Variants in TRPM6 observed in about 807,000 individuals in gnomAD.
TRPM6 encodes the protein channel kinase 2.
Under a neutral mutation model 247.6 loss-of-function variants are expected in TRPM6, and 111 were observed. That is an observed-to-expected ratio of 0.45 (90% CI 0.38 to 0.52). The LOEUF (loss-of-function observed/expected upper bound fraction) is 0.52. TRPM6 is among the 20% of genes least tolerant of loss of function. The probability of loss-of-function intolerance (pLI) is 0.00; values close to 1 mark genes in which losing one functional copy is unlikely to be tolerated. For missense variants in TRPM6, 2,126 were observed against 2,421.5 expected (o/e 0.88, Z 2.56); for synonymous variants, 892 against 853.8 (o/e 1.04, Z -0.78).
intron 37 of TRPM6, among the ~76,000 whole-genome samples, chr9:74,732,020 T>C (rs922944049): frequency 6.6e-6 from 1 of 152,156 alleles, no homozygotes; most frequent in Non-Finnish European, 1.5e-5. Context: ...CACTATCACT[T>C]CTTTCTACCC....
chr9:74,739,270 T>C (rs556825226), intron 35 of TRPM6, 97 bp downstream of exon 35: 1 of 1,177,842 alleles, frequency 8.5e-7, no homozygotes, highest in African/African-American at 1.5e-5. Flanking sequence ...CATGGGGAAT[T>C]TCCCCATGGA....
At position 74,786,041 on chromosome 9, in the gene TRPM6, T is replaced by C; in HGVS notation, c.2752A>G (p.Ile918Val). 1 of 1,614,208 alleles carries C rather than the reference T, an allele frequency of 6.2e-7. No individual in the cohort carries two copies. Among genetic ancestry groups the C allele is most frequent in the Non-Finnish European group, 8.5e-7 (1 of 1,180,042 alleles). The change falls in exon 21 of 39, where the codon ATT becomes GTT. Residue 918 changes from isoleucine to valine, a missense_variant. Physicochemically the swap from Ile to Val is conservative, Grantham distance 29 (BLOSUM62 3). Transcript: ENST00000360774. The stretch of plus-strand genomic sequence containing the variant: ...ACGAAGCCAGCTGAAAACAGGCCAA[T>C]GGCCACAGTTTCTGTTAAGTTCCAG... ...EYWNLTETVA[I>V]GLFSAGFVLR... is the part of the protein sequence containing the mutation.
At chr9:74,833,103 G>A (rs1010579852) in intron 6 of TRPM6, among the ~76,000 whole-genome samples, 6 of 151,428 alleles carry the variant, frequency 4.0e-5, no homozygotes, top group African/African-American at 1.5e-4. Flanking sequence ...TGTATTAATC[G>A]ACATGGAGAA....
intron 9 of TRPM6, 26 bp from the exon 10 acceptor site, chr9:74,816,990 A>G: frequency 6.2e-7 from 1 of 1,601,572 alleles, no homozygotes. Context: ...ACAGAGAGCC[A>G]TACATTTGGG....
At chr9:74,859,425 A>C (rs1359286404) in intron 1 of TRPM6, among the ~76,000 whole-genome samples, 1 of 152,206 alleles carries the variant, frequency 6.6e-6, no homozygotes, top group Non-Finnish European at 1.5e-5. Flanking sequence ...TATACATCCC[A>C]GCTACTTGTG....
rs1305848812 is a variant in TRPM6 at position 74,738,582 on chromosome 9, A to G, written c.5601T>C (p.His1867=). 5 of 1,614,086 alleles carry G rather than the reference A, an allele frequency of 3.1e-6. No homozygotes were observed. The highest frequency in any genetic ancestry group is 4.2e-6 in the Non-Finnish European group (5 of 1,179,968). Residue 1867 remains histidine, a synonymous_variant, in exon 36 of 39, where the codon CAT becomes CAC. Transcript: ENST00000360774. The part of the protein sequence containing the change: ...RFLEVFLIYC[H]SANQWLTIEK... ...CAATGGTCAACCACTGGTTGGCTGA[A>G]TGGCAGTAGATTAAGAAAACTTCCA...
intron 1 of TRPM6, among the ~76,000 whole-genome samples, chr9:74,864,422 A>C (rs766020480): frequency 8.5e-5 from 13 of 152,204 alleles, no homozygotes; most frequent in Non-Finnish European, 1.3e-4. Context: ...TTCTGCAAGG[A>C]TACCTACCTG....
intron 37 of TRPM6, among the ~76,000 whole-genome samples, chr9:74,730,888 G>A (rs1299816339): frequency 1.3e-5 from 2 of 152,176 alleles, no homozygotes; most frequent in African/African-American, 4.8e-5. Context: ...AGGCCACAAT[G>A]AAACCATCCT....
At chr9:74,854,891 A>C (rs145027021) in intron 3 of TRPM6, among the ~76,000 whole-genome samples, 81 of 152,222 alleles carry the variant, frequency 5.3e-4, no homozygotes, top group African/African-American at 1.9e-3. Flanking sequence ...ATGTTGTCCA[A>C]ACTGGCCTCA....
At chr9:74,750,121 C>G (rs1176989660) in intron 30 of TRPM6, among the ~76,000 whole-genome samples, 1 of 152,172 alleles carries the variant, frequency 6.6e-6, no homozygotes, top group African/African-American at 2.4e-5. Flanking sequence ...TATCTTCTTT[C>G]TCTCTCCAAC....
chr9:74,757,531 A>C (rs1224919459), intron 27 of TRPM6, among the ~76,000 whole-genome samples: 3 of 146,398 alleles, frequency 2.0e-5, no homozygotes, highest in Non-Finnish European at 4.5e-5. Flanking sequence ...GCACCACTGC[A>C]CTCCAGCCTG....
At position 74,762,737 on chromosome 9, in the gene TRPM6, T is replaced by C; in HGVS notation, c.3934A>G (p.Asn1312Asp). The C allele has an allele frequency of 6.2e-7, 1 of 1,614,140 alleles. No individual in the cohort carries two copies. The highest frequency in any genetic ancestry group is 8.5e-7 in the Non-Finnish European group (1 of 1,180,038). The change falls in exon 26 of 39, where the codon AAT (asparagine) becomes GAT (aspartate). Residue 1312 changes from asparagine to aspartate, a missense_variant. By Grantham distance (23) the Asn-to-Asp change is conservative (BLOSUM62 1). Transcript: ENST00000360774. The part of the protein sequence containing the change: ...EITNSKREAT[N>D]VRNDQERQET... Reference sequence around the variant, plus strand: ...TGCCTTTCCTGGTCATTTCTTACATTTGTAGCCTCTCTTTTACTGTTTGTA... The same window carrying C: ...TGCCTTTCCTGGTCATTTCTTACATCTGTAGCCTCTCTTTTACTGTTTGTA...
intron 11 of TRPM6, among the ~76,000 whole-genome samples, chr9:74,815,941 T>C (rs1383481180): frequency 6.6e-6 from 1 of 152,238 alleles, no homozygotes; most frequent in Non-Finnish European, 1.5e-5. Context: ...GCATTATGGG[T>C]AATCTTTCTT....
At chr9:74,796,683 GT>G in intron 18 of TRPM6, 57 bp downstream of exon 18, 1 of 1,558,786 alleles carries the variant, frequency 6.4e-7, no homozygotes, top group Non-Finnish European at 8.8e-7. Flanking sequence ...TTAAGGATGT[GT>G]ATATTTGCGT....
chr9:74,820,875 A>G (rs1365034765), intron 8 of TRPM6, among the ~76,000 whole-genome samples: 1 of 152,210 alleles, frequency 6.6e-6, no homozygotes, highest in Admixed American at 6.5e-5. Context: ...TAGGTATTAT[A>G]TTCTCTAAAG....
At chr9:74,783,276 C>T (rs926199095) in intron 21 of TRPM6, among the ~76,000 whole-genome samples, 9 of 152,140 alleles carry the variant, frequency 5.9e-5, no homozygotes, top group Admixed American at 5.9e-4. Context: ...GTCTAAGAAA[C>T]TGATCAAGCC....
chr9:74,818,121 G>C (rs570158442), intron 9 of TRPM6, among the ~76,000 whole-genome samples: 2 of 151,932 alleles, frequency 1.3e-5, no homozygotes, highest in Non-Finnish European at 2.9e-5. Flanking sequence ...TGACCCTCTT[G>C]GTCATTACAT....
chr9:74,769,947 C>T (rs1343984348), intron 25 of TRPM6, among the ~76,000 whole-genome samples: 1 of 152,100 alleles, frequency 6.6e-6, no homozygotes, highest in African/African-American at 2.4e-5. Flanking sequence ...GCTTGCCCGT[C>T]GGACTCAATG....
Position 74,827,922 on chromosome 9 carries a change from T to C in TRPM6, c.697A>G (p.Asn233Asp). The C allele has an allele frequency of 1.2e-6, 2 of 1,614,026 alleles. No homozygotes were observed. The highest frequency in any genetic ancestry group is 1.7e-6 in the Non-Finnish European group (2 of 1,179,996). Residue 233 changes from asparagine (N) to aspartate (D), a missense_variant, in exon 7 of 39, where the codon AAC (asparagine) becomes GAC (aspartate). Asn to Asp is a conservative substitution (Grantham distance 23). Around this residue, in one of 3 missense-constraint regions of TRPM6, gnomAD observed 1,082 missense variants for 1,307.9 expected, o/e 0.83. Transcript: ENST00000360774. ...DVVCLYQTLD[N>D]PLSKLTTLNS... The stretch of plus-strand genomic sequence containing the variant: ...AGTGTTGTGAGCTTGCTGAGGGGGT[T>C]ATCCAGAGTCTGGTACAGGCACACC...
Sources: gnomAD v4.1 joint callset for allele counts (sites outside exome capture counted in the v4.1 genomes callset) on GRCh38, gnomAD v4.1.1 for gene constraint, gnomAD v4.1.1 regional missense constraint, MANE v1.5 for transcripts, NCBI Gene and HGNC (gene_info 2026-07-23, HGNC 2026-07-21) for gene names.